The following PARD3 variants were observed in gnomAD, a reference collection of about 807,000 sequenced individuals.
PARD3 encodes par-3 family cell polarity regulator.
Under a neutral mutation model 155.4 loss-of-function variants are expected in PARD3, and 75 were observed. That is an observed-to-expected ratio of 0.48 (90% CI 0.40 to 0.58). The LOEUF is 0.58. Among genes scored for constraint, PARD3 ranks in the 20% least tolerant of loss-of-function variants. The pLI, the probability that PARD3 is intolerant of heterozygous loss-of-function variation, is 0.00. For missense variants in PARD3, 1,642 were observed against 1,721.7 expected (o/e 0.95, Z 0.82); for synonymous variants, 576 against 610.5 (o/e 0.94, Z 0.83).
At chr10:34,240,545 G>A (rs915519359) in intron 22 of PARD3, among the ~76,000 whole-genome samples, 1 of 152,164 alleles carries the variant, frequency 6.6e-6, no homozygotes, top group African/African-American at 2.4e-5. Context: ...GAAGGCATGT[G>A]AAATTCTGAA....
chr10:34,128,200 C>T (rs1433069668), intron 23 of PARD3, among the ~76,000 whole-genome samples: 1 of 152,128 alleles, frequency 6.6e-6, no homozygotes, highest in Non-Finnish European at 1.5e-5. Flanking sequence ...CTACAGTTGA[C>T]CCTTGAACAC....
chr10:34,710,100 T>G (rs757143508), intron 1 of PARD3, among the ~76,000 whole-genome samples: 4 of 152,116 alleles, frequency 2.6e-5, no homozygotes, highest in African/African-American at 9.7e-5. Context: ...GGAAGATACA[T>G]AGCCAAGATG....
chr10:34,554,427 C>T (rs1410226443), intron 2 of PARD3, among the ~76,000 whole-genome samples: 1 of 152,148 alleles, frequency 6.6e-6, no homozygotes, highest in Admixed American at 6.5e-5. Flanking sequence ...GTGAAAGATT[C>T]TGAATGAGGG....
At chr10:34,364,626 G>T (rs1431507093) in intron 12 of PARD3, among the ~76,000 whole-genome samples, 2 of 152,026 alleles carry the variant, frequency 1.3e-5, no homozygotes, top group African/African-American at 2.4e-5. Context: ...TAGAGACAGG[G>T]TCTTGATATG....
At chr10:34,134,282 G>A (rs1409166509) in intron 22 of PARD3, among the ~76,000 whole-genome samples, 1 of 152,184 alleles carries the variant, frequency 6.6e-6, no homozygotes. Flanking sequence ...TTTTCCACCT[G>A]TGCTTTTTTG....
chr10:34,269,911 G>A lies in PARD3; in HGVS notation c.3177-12C>T, dbSNP rs41276094. On this transcript the variant is annotated splice_polypyrimidine_tract_variant and intron_variant, in intron 21 of 24. Transcript: ENST00000374788. ...TTTTGGCTTGAATCCTATGAAATCA[G>A]AACAAAGTTGAAATAAGAGAAACCT... 30,699 of 1,610,658 alleles carry A rather than the reference G, an allele frequency of 0.019. 331 individuals carry two copies. The highest frequency in any genetic ancestry group is 0.023 in the Middle Eastern group (137 of 6,046).
chr10:34,688,068 C>G (rs2093982501), intron 2 of PARD3, among the ~76,000 whole-genome samples: 1 of 151,848 alleles, frequency 6.6e-6, no homozygotes, highest in Admixed American at 6.6e-5. Context: ...GCCCAGGCTG[C>G]TCTCAAACTT....
intron 15 of PARD3, among the ~76,000 whole-genome samples, chr10:34,347,684 T>C (rs1179703279): frequency 6.6e-6 from 1 of 152,252 alleles, no homozygotes; most frequent in Non-Finnish European, 1.5e-5. Context: ...AAGAATATCT[T>C]GATCACTAGA....
At chr10:34,222,729 C>G (rs1472937523) in intron 22 of PARD3, among the ~76,000 whole-genome samples, 3 of 152,210 alleles carry the variant, frequency 2.0e-5, no homozygotes, top group African/African-American at 7.2e-5. Flanking sequence ...CTTTCCTGCT[C>G]TATCAGCCCT....
intron 3 of PARD3, among the ~76,000 whole-genome samples, chr10:34,515,535 A>G (rs945267740): frequency 1.1e-4 from 17 of 152,166 alleles, no homozygotes; most frequent in African/African-American, 3.9e-4. Flanking sequence ...TACGTATCCC[A>G]TCTTGAACTA....
intron 1 of PARD3, among the ~76,000 whole-genome samples, chr10:34,708,952 G>A (rs2094409312): frequency 6.6e-6 from 1 of 152,056 alleles, no homozygotes; most frequent in African/African-American, 2.4e-5. Flanking sequence ...TTATTCTAAG[G>A]AGTTGTGTTC....
chr10:34,772,859 A>C (rs1213631008), intron 1 of PARD3, among the ~76,000 whole-genome samples: 1 of 152,134 alleles, frequency 6.6e-6, no homozygotes, highest in Non-Finnish European at 1.5e-5. Flanking sequence ...CAACGGAGCA[A>C]GAAAGCCTGT....
chr10:34,690,014 G>A (rs2133418316), intron 2 of PARD3, among the ~76,000 whole-genome samples: 1 of 152,274 alleles, frequency 6.6e-6, no homozygotes, highest in Non-Finnish European at 1.5e-5. Flanking sequence ...GGCGATCTCA[G>A]CTCACTGCAA....
chr10:34,669,288 G>T (rs188509838), intron 2 of PARD3, among the ~76,000 whole-genome samples: 14 of 152,238 alleles, frequency 9.2e-5, no homozygotes, highest in African/African-American at 3.1e-4. Flanking sequence ...CCATAAAAAA[G>T]AATGAAATCA....
intron 3 of PARD3, among the ~76,000 whole-genome samples, chr10:34,483,181 T>C (rs1264015842): frequency 6.6e-6 from 1 of 151,694 alleles, no homozygotes; most frequent in East Asian, 1.9e-4. Context: ...CAAAAATGTG[T>C]TTCTCTTGCA....
chr10:34,652,947 A>T (rs2093057110), intron 2 of PARD3, among the ~76,000 whole-genome samples: 1 of 152,170 alleles, frequency 6.6e-6, no homozygotes. Flanking sequence ...AGCCCGGAGG[A>T]CATTTAAACG....
intron 5 of PARD3, among the ~76,000 whole-genome samples, chr10:34,411,989 G>A (rs1329700073): frequency 1.3e-5 from 2 of 150,378 alleles, no homozygotes; most frequent in Non-Finnish European, 3.0e-5. Context: ...AAGAGACAGG[G>A]TTTCATTCTG....
At chr10:34,637,398 C>T (rs1433796278) in intron 2 of PARD3, among the ~76,000 whole-genome samples, 3 of 152,172 alleles carry the variant, frequency 2.0e-5, no homozygotes, top group South Asian at 2.1e-4. Context: ...CAATGAGAAA[C>T]GTCCATTAAC....
chr10:34,612,602 T>G (rs573178058), intron 2 of PARD3, among the ~76,000 whole-genome samples: 1 of 152,258 alleles, frequency 6.6e-6, no homozygotes, highest in African/African-American at 2.4e-5. Context: ...CAAAGCCATG[T>G]GAACCTTGAT....
Sources: allele counts gnomAD v4.1 joint callset (sites outside exome capture counted in the v4.1 genomes callset), GRCh38; gene constraint gnomAD v4.1.1; transcripts MANE v1.5; gene names NCBI Gene and HGNC (gene_info 2026-07-23, HGNC 2026-07-21).